TXNDC16: variants seen among roughly 807,000 people sequenced by gnomAD.
The protein encoded by TXNDC16 is thioredoxin domain containing 16.
Under a neutral mutation model 85.6 loss-of-function variants are expected in TXNDC16, and 74 were observed. That is an observed-to-expected ratio of 0.86 (90% CI 0.72 to 1.05). The LOEUF (loss-of-function observed/expected upper bound fraction) is 1.05. TXNDC16 is among the 50% of genes least tolerant of loss of function. The probability of loss-of-function intolerance (pLI) is 0.00; values close to 1 mark genes in which losing one functional copy is unlikely to be tolerated. For missense variants in TXNDC16, 959 were observed against 947.0 expected, an observed-to-expected ratio of 1.01 and a Z score of -0.17; for synonymous variants, 335 against 326.5, an observed-to-expected ratio of 1.03 and a Z score of -0.28.
At chr14:52,500,437 G>A (rs1299897713) in intron 9 of TXNDC16, among the ~76,000 whole-genome samples, 1 of 152,162 alleles carries the variant, frequency 6.6e-6, no homozygotes, top group Non-Finnish European at 1.5e-5. Context: ...GACTGGTGGT[G>A]TCAAGGACTG....
At chr14:52,536,870 C>A (rs2037714503) in intron 5 of TXNDC16, 77 bp from the exon 6 acceptor site, 2 of 1,235,468 alleles carry the variant, frequency 1.6e-6, no homozygotes, top group South Asian at 2.7e-5. Flanking sequence ...ACTTGTCTAT[C>A]AAATACATTA....
rs1349933214 is a variant in TXNDC16, at chr14:52,514,872, A to G, written c.605+8T>C. 6.3e-7 allele frequency: 1 copy of G among 1,589,190 alleles called. No individual in the cohort carries two copies. Among genetic ancestry groups the G allele is most frequent in the Non-Finnish European group, 8.6e-7 (1 of 1,167,750 alleles). On this transcript the variant is annotated splice_region_variant and intron_variant, in intron 8 of 20. Transcript: ENST00000281741. Reference sequence around the variant, plus strand: ...TTTAAATTGTTGACATATGCTTTTTATACATACCCAATACTTTCCAAAAGG... The same window carrying G: ...TTTAAATTGTTGACATATGCTTTTTGTACATACCCAATACTTTCCAAAAGG...
intron 16 of TXNDC16, among the ~76,000 whole-genome samples, chr14:52,464,614 A>ATTTT (rs200372521): frequency 2.0e-5 from 3 of 151,036 alleles, no homozygotes; most frequent in East Asian, 3.9e-4. Flanking sequence ...TTTCATAAAA[A>ATTTT]TTTTTTTTTT....
chr14:52,464,788 C>G (rs2035734026), intron 16 of TXNDC16, among the ~76,000 whole-genome samples: 1 of 151,960 alleles, frequency 6.6e-6, no homozygotes, highest in East Asian at 1.9e-4. Context: ...AAAAAATTAG[C>G]TGGGCGTGCT....
intron 9 of TXNDC16, among the ~76,000 whole-genome samples, chr14:52,504,127 C>A (rs1016127580): frequency 2.0e-5 from 3 of 152,108 alleles, no homozygotes; most frequent in Admixed American, 6.5e-5. Flanking sequence ...GAGGATGGAA[C>A]CAAGTTAGAA....
chr14:52,472,911 T>G (rs1244704968), intron 14 of TXNDC16, among the ~76,000 whole-genome samples: 5 of 152,164 alleles, frequency 3.3e-5, no homozygotes, highest in Admixed American at 3.3e-4. Flanking sequence ...ACTAGACGTT[T>G]CCAAGATGGC....
chr14:52,470,585 A>G lies in TXNDC16; in HGVS notation c.1408T>C (p.Tyr470His), dbSNP rs2035883876. ...NVTEFPIIKM[Y>H]KKGENPVSYA... ...GATACTGGGTTCTCGCCTTTCTTGT[A>G]CATCTTTATGATAGGAAATTCAGTA... Residue 470 changes from tyrosine to histidine, a missense_variant, in exon 15 of 21, where the codon TAC becomes CAC. By Grantham distance (83) the Tyr-to-His change is moderately conservative. Coordinates refer to ENST00000281741, the MANE Select transcript of TXNDC16 (RefSeq NM_020784.3). 1 of 1,614,022 alleles carries G rather than the reference A, an allele frequency of 6.2e-7. No homozygotes were observed. Among genetic ancestry groups the G allele is most frequent in the Non-Finnish European group, 8.5e-7 (1 of 1,179,946 alleles).
chr14:52,477,960 T>C (rs1007597245), intron 14 of TXNDC16, among the ~76,000 whole-genome samples: 13 of 151,880 alleles, frequency 8.6e-5, no homozygotes, highest in African/African-American at 2.9e-4. Flanking sequence ...TTCAAGAAAA[T>C]TGAAATTATA....
intron 16 of TXNDC16, among the ~76,000 whole-genome samples, chr14:52,458,429 T>C (rs772721670): frequency 6.6e-5 from 10 of 152,136 alleles, no homozygotes; most frequent in Non-Finnish European, 1.2e-4. Flanking sequence ...TGGTGGCATG[T>C]GCCTGTAGTC....
chr14:52,546,024 G>A (rs757571563), intron 1 of TXNDC16, among the ~76,000 whole-genome samples: 20 of 151,870 alleles, frequency 1.3e-4, no homozygotes, highest in African/African-American at 2.4e-4. Flanking sequence ...GGTGGCTCAC[G>A]CTTACAATTC....
chr14:52,433,039 T>C (rs1208628184), intron 20 of TXNDC16, among the ~76,000 whole-genome samples: 1 of 152,192 alleles, frequency 6.6e-6, no homozygotes, highest in Non-Finnish European at 1.5e-5. Flanking sequence ...TATGTAATTA[T>C]TTATTATAGA....
intron 6 of TXNDC16, among the ~76,000 whole-genome samples, chr14:52,535,714 T>A (rs2140220934): frequency 6.6e-6 from 1 of 152,134 alleles, no homozygotes; most frequent in Admixed American, 6.5e-5. Context: ...GGCCTGGAGA[T>A]TCCAGGCCAG....
intron 16 of TXNDC16, among the ~76,000 whole-genome samples, chr14:52,467,763 T>C (rs865909274): frequency 2.0e-5 from 3 of 152,098 alleles, no homozygotes; most frequent in South Asian, 2.1e-4. Flanking sequence ...CTCAAAATAA[T>C]TGAAAGCAGA....
At position 52,519,192 on chromosome 14, in the gene TXNDC16, A is replaced by T. The variant is rs1352121578; in HGVS notation, c.494T>A (p.Val165Glu). 1.9e-6 allele frequency: 3 copies of T among 1,611,470 alleles called. No homozygotes were observed. The highest frequency in any genetic ancestry group is 2.2e-5 in the East Asian group (1 of 44,704). Residue 165 changes from valine (V) to glutamate (E), a missense_variant, in exon 7 of 21, where the codon GTA (valine) becomes GAA (glutamate). Physicochemically the swap from Val to Glu is moderately radical, Grantham distance 121. Transcript: ENST00000281741. Reference protein sequence around the residue: ...KGKANIIFSYVRAIGIPEHRA... With the variant: ...KGKANIIFSYERAIGIPEHRA... ...AATACCTGGTATTCCAATGGCTCTTACATATGAGAATATAATATTTGCTTT... is the reference window on the plus strand; with the variant it reads ...AATACCTGGTATTCCAATGGCTCTTTCATATGAGAATATAATATTTGCTTT...
intron 6 of TXNDC16, among the ~76,000 whole-genome samples, chr14:52,534,325 T>C (rs1415055559): frequency 1.3e-5 from 2 of 152,216 alleles, no homozygotes; most frequent in East Asian, 1.9e-4. Flanking sequence ...CTGTGGCTCA[T>C]GGGCTGCATG....
intron 9 of TXNDC16, among the ~76,000 whole-genome samples, chr14:52,500,302 C>T (rs1381401947): frequency 1.3e-5 from 2 of 152,180 alleles, no homozygotes; most frequent in African/African-American, 4.8e-5. Flanking sequence ...CTGACATACA[C>T]TACAACATGG....
chr14:52,458,555 TAAAAAG>T (rs963559427), intron 16 of TXNDC16, among the ~76,000 whole-genome samples: 2 of 151,088 alleles, frequency 1.3e-5, no homozygotes, highest in African/African-American at 4.9e-5. Context: ...TCAAAAAAAA[TAAAAAG>T]AGAGACGAGA....
chr14:52,490,341 G>T, intron 11 of TXNDC16, 50 bp downstream of exon 11: 1 of 1,320,754 alleles, frequency 7.6e-7, no homozygotes, highest in Middle Eastern at 2.0e-4. Flanking sequence ...ACATATATTA[G>T]CTTTCTTTAA....
In TXNDC16 at chr14:52,521,744, T is replaced by C. The variant is rs538915663; in HGVS notation, c.393-2451A>G. The stretch of plus-strand genomic sequence containing the variant: ...ATTCCCAGGGCTCTTGTTTTGTTTT[T>C]ATAAGAAATACTTACTGAGCAGTAT... On this transcript the variant is annotated intron_variant, in intron 6 of 20. Coordinates refer to ENST00000281741, the MANE Select transcript of TXNDC16 (RefSeq NM_020784.3). Among the ~76,000 whole-genome samples the C allele has an allele frequency of 5.4e-4, 82 of 152,328 alleles. 1 individual carries two copies. In the South Asian group the frequency reaches 9.3e-3, roughly 17 times the overall value.
Sources: gnomAD v4.1 joint callset for allele counts (sites outside exome capture counted in the v4.1 genomes callset) on GRCh38, gnomAD v4.1.1 for gene constraint, MANE v1.5 for transcripts, NCBI Gene and HGNC (gene_info 2026-07-23, HGNC 2026-07-21) for gene names.